SLC9A2: variants seen among roughly 807,000 people sequenced by gnomAD.
SLC9A2 encodes the protein solute carrier family 9 member A2, also known as sodium/hydrogen exchanger 2.
In SLC9A2, 42 loss-of-function variants were observed where a neutral mutation model predicts 71.7. The observed-to-expected ratio is 0.59, with a 90% CI of 0.46 to 0.76. The LOEUF (loss-of-function observed/expected upper bound fraction) is 0.76, where lower values mean the gene tolerates loss of function less well. Ranked by LOEUF, SLC9A2 falls within the 30% of genes least tolerant of loss-of-function variation. The pLI is 0.00. For synonymous variants in SLC9A2, 396 were observed against 392.5 expected, an observed-to-expected ratio of 1.01 and a Z score of -0.10; for missense variants, 829 against 1,017.4, an observed-to-expected ratio of 0.81 and a Z score of 2.52.
At chr2:102,629,262 C>T (rs1676310766) in intron 1 of SLC9A2, among the ~76,000 whole-genome samples, 1 of 152,072 alleles carries the variant, frequency 6.6e-6, no homozygotes, top group African/African-American at 2.4e-5. Context: ...AGAGTGAGTT[C>T]TTCCTTTAAT....
At chr2:102,694,628 G>T (rs1350674204) in intron 6 of SLC9A2, 125 bp downstream of exon 6, 1 of 460,848 alleles carries the variant, frequency 2.2e-6, no homozygotes, top group Non-Finnish European at 3.9e-6. Context: ...GAGGGAGGAG[G>T]GCCTGAAGAA....
chr2:102,657,075 C>G (rs1573411215), intron 1 of SLC9A2, among the ~76,000 whole-genome samples: 1 of 151,814 alleles, frequency 6.6e-6, no homozygotes, highest in South Asian at 2.1e-4. Context: ...CATGGTGGTG[C>G]GTGCCTATAA....
At chr2:102,638,210 A>G (rs1676507555) in intron 1 of SLC9A2, among the ~76,000 whole-genome samples, 1 of 152,136 alleles carries the variant, frequency 6.6e-6, no homozygotes, top group East Asian at 1.9e-4. Flanking sequence ...GTTACATGAA[A>G]TTTTGCTTCT....
chr2:102,689,379 G>T (rs1004630755), intron 5 of SLC9A2, among the ~76,000 whole-genome samples: 1 of 152,116 alleles, frequency 6.6e-6, no homozygotes, highest in African/African-American at 2.4e-5. Flanking sequence ...GACATTCTTG[G>T]CATCCCCTGC....
rs1328680413 is a variant in SLC9A2 at position 102,684,571 on chromosome 2, G to A, written c.1425+235G>A. Among the ~76,000 whole-genome samples the A allele has an allele frequency of 3.3e-5, 5 of 152,174 alleles. 1 individual carries two copies. Among genetic ancestry groups the A allele is most frequent in the Admixed American group, 1.3e-4 (2 of 15,278 alleles). ...ATTATTTAAGGAAACTAAACTAAGC[G>A]CTCTAATCTTATGACTGGAAACAGG... On this transcript the variant is annotated intron_variant, in intron 5 of 11. Transcript: ENST00000233969.
chr2:102,664,340 C>G (rs1677097413), intron 2 of SLC9A2, among the ~76,000 whole-genome samples: 2 of 151,512 alleles, frequency 1.3e-5, no homozygotes, highest in African/African-American at 2.4e-5. Flanking sequence ...TGTACCTTCC[C>G]ATTTCTTTGT....
rs1676106978 is a variant in SLC9A2, at chr2:102,620,146, A to T, written c.289+9A>T. Reference sequence around the variant, plus strand: ...CTCCCTGGCCAAGATTGGTGAGCGAACTGGACTTGTGGGGAATGGGAGGGG... The same window carrying T: ...CTCCCTGGCCAAGATTGGTGAGCGATCTGGACTTGTGGGGAATGGGAGGGG... On this transcript the variant is annotated intron_variant, in intron 1 of 11. Coordinates refer to ENST00000233969, the MANE Select transcript of SLC9A2 (RefSeq NM_003048.6). The T allele has an allele frequency of 6.3e-7, 1 of 1,589,810 alleles. No homozygotes were observed. Among genetic ancestry groups the T allele is most frequent in the Admixed American group, 1.7e-5 (1 of 58,776 alleles).
chr2:102,645,268 G>T (rs192891584), intron 1 of SLC9A2, among the ~76,000 whole-genome samples: 1 of 152,058 alleles, frequency 6.6e-6, no homozygotes, highest in African/African-American at 2.4e-5. Flanking sequence ...CAACAAAAAG[G>T]ATGCCCACAG....
At chr2:102,654,079 C>T (rs796216239) in intron 1 of SLC9A2, among the ~76,000 whole-genome samples, 7 of 152,206 alleles carry the variant, frequency 4.6e-5, no homozygotes, top group African/African-American at 1.7e-4. Flanking sequence ...AGGGGGCAGT[C>T]CTCCGATGGC....
intron 1 of SLC9A2, among the ~76,000 whole-genome samples, chr2:102,652,696 C>T (rs1451970903): frequency 6.6e-6 from 1 of 152,110 alleles, no homozygotes; most frequent in Non-Finnish European, 1.5e-5. Flanking sequence ...AAAGTCTTGG[C>T]CAACCACTGG....
chr2:102,692,312 C>A (rs956789051), intron 5 of SLC9A2, among the ~76,000 whole-genome samples: 20 of 152,084 alleles, frequency 1.3e-4, no homozygotes, highest in African/African-American at 4.8e-4. Context: ...TGGAAAAAAG[C>A]CAATCACCTC....
At chr2:102,695,405 C>T (rs559002319) in intron 7 of SLC9A2, among the ~76,000 whole-genome samples, 3 of 152,156 alleles carry the variant, frequency 2.0e-5, no homozygotes, top group African/African-American at 4.8e-5. Flanking sequence ...AGTCGATCCA[C>T]TAAGAGTAGC....
At chr2:102,699,727 T>C (rs1269471808) in intron 7 of SLC9A2, among the ~76,000 whole-genome samples, 1 of 152,132 alleles carries the variant, frequency 6.6e-6, no homozygotes, top group Non-Finnish European at 1.5e-5. Context: ...AATTGTCTCA[T>C]AATCCTGGGG....
intron 2 of SLC9A2, among the ~76,000 whole-genome samples, chr2:102,658,498 C>T (rs1676989653): frequency 6.6e-6 from 1 of 151,640 alleles, no homozygotes; most frequent in South Asian, 2.1e-4. Flanking sequence ...ATAATACCTG[C>T]TAAGTGCCAT....
intron 5 of SLC9A2, among the ~76,000 whole-genome samples, chr2:102,691,334 TC>T (rs1677658072): frequency 6.6e-6 from 1 of 152,248 alleles, no homozygotes; most frequent in African/African-American, 2.4e-5. Context: ...CTTTGATTTT[TC>T]TAAGCCTTAT....
intron 1 of SLC9A2, among the ~76,000 whole-genome samples, chr2:102,643,508 A>G (rs1173520980): frequency 6.6e-6 from 1 of 152,182 alleles, no homozygotes; most frequent in African/African-American, 2.4e-5. Context: ...GCCTGTGCCC[A>G]TTGGCATTTC....
chr2:102,683,537 T>C, intron 4 of SLC9A2, 59 bp downstream of exon 4: 3 of 1,326,050 alleles, frequency 2.3e-6, no homozygotes, highest in African/African-American at 1.5e-5. Context: ...GAATGGGGCT[T>C]TCCTTTTGTC....
chr2:102,646,546 T>A (rs1328065081), intron 1 of SLC9A2, among the ~76,000 whole-genome samples: 1 of 151,966 alleles, frequency 6.6e-6, no homozygotes, highest in Non-Finnish European at 1.5e-5. Context: ...GTGTGCTGTA[T>A]TCAGGAGACC....
At chr2:102,658,551 C>T (rs564232726) in intron 2 of SLC9A2, among the ~76,000 whole-genome samples, 31 of 151,378 alleles carry the variant, frequency 2.0e-4, no homozygotes, top group East Asian at 5.8e-4. Flanking sequence ...AATGATTTTA[C>T]GGAAAGTTTT....
Sources: allele counts gnomAD v4.1 joint callset (sites outside exome capture counted in the v4.1 genomes callset), GRCh38; gene constraint gnomAD v4.1.1; transcripts MANE v1.5; gene names NCBI Gene and HGNC (gene_info 2026-07-23, HGNC 2026-07-21).